Variants in GNAI1 observed in about 807,000 individuals in gnomAD.
GNAI1 encodes the protein G protein subunit alpha i1, also known as guanine nucleotide-binding protein G(i) subunit alpha-1.
GNAI1 carries 11 observed loss-of-function variants against 38.9 expected under a neutral mutation model. The observed-to-expected ratio is 0.28, with a 90% CI of 0.18 to 0.47. The LOEUF is 0.47. Among genes scored for constraint, GNAI1 ranks in the 20% least tolerant of loss-of-function variants. The probability of loss-of-function intolerance (pLI) is 0.99; values close to 1 mark genes in which losing one functional copy is unlikely to be tolerated. For missense variants in GNAI1, 317 were observed against 436.9 expected, an observed-to-expected ratio of 0.73 and a Z score of 2.45; for synonymous variants, 166 against 145.1, an observed-to-expected ratio of 1.14 and a Z score of -1.04.
At chr7:80,191,139 T>A (rs1314726523) in intron 3 of GNAI1, among the ~76,000 whole-genome samples, 1 of 152,022 alleles carries the variant, frequency 6.6e-6, no homozygotes, top group Non-Finnish European at 1.5e-5. Context: ...ATTAACTCAT[T>A]CACACAAATG....
At position 80,203,727 on chromosome 7, in the gene GNAI1, T is replaced by C; in HGVS notation, c.485T>C (p.Ile162Thr). Residue 162 changes from isoleucine to threonine, a missense_variant, in exon 5 of 8, where the codon ATA becomes ACA. Transcript: ENST00000649796. Reference sequence around the variant, plus strand: ...AGCTATTTGAATGACTTGGACAGAATAGCTCAACCAAATTACATCCCGACT... The same window carrying C: ...AGCTATTTGAATGACTTGGACAGAACAGCTCAACCAAATTACATCCCGACT... Reference protein sequence around the residue: ...AAYYLNDLDRIAQPNYIPTQQ... With the variant: ...AAYYLNDLDRTAQPNYIPTQQ... The C allele has an allele frequency of 6.3e-7, 1 of 1,594,456 alleles. No individual in the cohort carries two copies. The highest frequency in any genetic ancestry group is 8.6e-7 in the Non-Finnish European group (1 of 1,164,924).
At chr7:80,199,555 A>G (rs1390538033) in intron 4 of GNAI1, among the ~76,000 whole-genome samples, 173 bp downstream of exon 4, 3 of 151,728 alleles carry the variant, frequency 2.0e-5, no homozygotes, top group Non-Finnish European at 2.9e-5. Flanking sequence ...GTGTGTAGAT[A>G]GCAACGTTAT....
intron 1 of GNAI1, among the ~76,000 whole-genome samples, chr7:80,136,421 A>T (rs912053355): frequency 7.2e-5 from 11 of 152,204 alleles, no homozygotes; most frequent in Non-Finnish European, 5.9e-5. Context: ...TGACTGCAGA[A>T]AAAATGGTGG....
chr7:80,150,323 G>T (rs1222162236), intron 1 of GNAI1, among the ~76,000 whole-genome samples: 1 of 152,150 alleles, frequency 6.6e-6, no homozygotes, highest in Non-Finnish European at 1.5e-5. Context: ...ATAAATAAAT[G>T]AGGGTATATA....
At position 80,135,313 on chromosome 7, in the gene GNAI1, G is replaced by A. The variant is rs1437692114; in HGVS notation, c.118+35G>A. 6.5e-6 allele frequency: 8 copies of A among 1,239,836 alleles called. No individual in the cohort carries two copies. The Admixed American group carries it at 1.7e-4, about 26-fold the overall frequency. 76.8% of individuals were successfully genotyped at this position (1,239,836 alleles called of 1,614,324 possible). A position where few individuals can be genotyped will look rare whatever the true frequency, so the allele number is the denominator to read the frequency against. On this transcript the variant is annotated intron_variant, in intron 1 of 7. Coordinates refer to ENST00000649796, the MANE Select transcript of GNAI1 (RefSeq NM_002069.6). ...GCCGGGTCGGGGCCCGGGGGTCGGC[G>A]GGGGACCGGGTGCGGCGCTGCGCGG...
intron 1 of GNAI1, among the ~76,000 whole-genome samples, chr7:80,137,293 CTTTT>C (rs377362596): frequency 0.017 from 1,589 of 94,958 alleles, 3 homozygotes; most frequent in Middle Eastern, 0.024. Flanking sequence ...TTTCTTTTTT[CTTTT>C]TTTTTTTTTC....
At chr7:80,188,855 GGTGTGTGTGT>G (rs148159852) in intron 1 of GNAI1, 86 bp from the exon 2 acceptor site, 7 of 700,386 alleles carry the variant, frequency 1.0e-5, no homozygotes, top group African/African-American at 9.1e-5. Context: ...AGAGAGACTG[GGTGTGTGTGT>G]GTGTGTGTGT....
In GNAI1 at chr7:80,211,001, G is replaced by A. The variant is rs910988907; in HGVS notation, c.623G>A (p.Arg208Gln). 7 of 1,612,628 alleles carry A rather than the reference G, an allele frequency of 4.3e-6. No individual in the cohort carries two copies. The highest frequency in any genetic ancestry group is 5.9e-6 in the Non-Finnish European group (7 of 1,178,670). The stretch of plus-strand genomic sequence containing the variant: ...GATGTGGGAGGTCAGAGATCTGAGC[G>A]GAAGAAGTGGATTCATTGCTTCGAA... ...MFDVGGQRSERKKWIHCFEGV... is the reference protein window; with the variant it reads ...MFDVGGQRSEQKKWIHCFEGV... Residue 208 changes from arginine to glutamine, a missense_variant, in exon 6 of 8, where the codon CGG becomes CAG. By Grantham distance (43) the Arg-to-Gln change is conservative (BLOSUM62 1). Transcript: ENST00000649796.
chr7:80,211,352 A>G (rs1788869859), intron 6 of GNAI1, among the ~76,000 whole-genome samples: 1 of 152,194 alleles, frequency 6.6e-6, no homozygotes, highest in Non-Finnish European at 1.5e-5. Context: ...TAGCACATGG[A>G]AATATAGTTA....
At chr7:80,189,604 A>T (rs1478888398) in intron 3 of GNAI1, among the ~76,000 whole-genome samples, 2 of 152,196 alleles carry the variant, frequency 1.3e-5, no homozygotes, top group Non-Finnish European at 2.9e-5. Flanking sequence ...TACTGAAGTG[A>T]TCTAGTCATT....
At chr7:80,208,575 C>A (rs991729220) in intron 5 of GNAI1, among the ~76,000 whole-genome samples, 1 of 152,176 alleles carries the variant, frequency 6.6e-6, no homozygotes, top group East Asian at 1.9e-4. Flanking sequence ...TCCTAACATT[C>A]TGAATCACAT....
intron 1 of GNAI1, among the ~76,000 whole-genome samples, chr7:80,144,771 C>T (rs959203390): frequency 3.3e-5 from 5 of 152,118 alleles, no homozygotes; most frequent in African/African-American, 1.2e-4. Flanking sequence ...GTTAAACTGC[C>T]TTCTTATATG....
chr7:80,156,121 A>T (rs187158917), intron 1 of GNAI1, among the ~76,000 whole-genome samples: 36 of 152,082 alleles, frequency 2.4e-4, no homozygotes, highest in Admixed American at 2.2e-3. Flanking sequence ...TTCCTCGTGA[A>T]ATTCAAAAAC....
At chr7:80,177,923 A>C (rs573295091) in intron 1 of GNAI1, among the ~76,000 whole-genome samples, 1 of 152,372 alleles carries the variant, frequency 6.6e-6, no homozygotes, top group Non-Finnish European at 1.5e-5. Context: ...AGATCTGAGT[A>C]AAGTAAATTG....
chr7:80,149,219 T>C (rs1023996264), intron 1 of GNAI1, among the ~76,000 whole-genome samples: 9 of 150,920 alleles, frequency 6.0e-5, no homozygotes, highest in African/African-American at 1.7e-4. Flanking sequence ...CTTTAGTGGC[T>C]ATATATGTTT....
At chr7:80,159,889 C>T (rs1042952508) in intron 1 of GNAI1, among the ~76,000 whole-genome samples, 1 of 151,900 alleles carries the variant, frequency 6.6e-6, no homozygotes, top group Admixed American at 6.6e-5. Flanking sequence ...ATAGGGATTG[C>T]GTGAGGATTA....
In GNAI1 at chr7:80,220,173, T is replaced by A. The variant is rs1789045971; in HGVS notation, c.*2680T>A. On this transcript the variant is annotated 3_prime_UTR_variant, in exon 8 of 8. Transcript: ENST00000649796. ...CTCTTCATCACCTGAGGCCTGTTCC[T>A]TTCTACACTGTATCCAAATAGTGTC... 6.6e-6 allele frequency among the ~76,000 whole-genome samples: 1 copy of A among 152,178 alleles called. No homozygotes were observed. Among genetic ancestry groups the A allele is most frequent in the African/African-American group, 2.4e-5 (1 of 41,446 alleles).
At chr7:80,195,416 CT>C (rs1385022315) in intron 3 of GNAI1, among the ~76,000 whole-genome samples, 1 of 151,576 alleles carries the variant, frequency 6.6e-6, no homozygotes, top group East Asian at 1.9e-4. Flanking sequence ...GACATTTTTA[CT>C]TTGATTATAT....
intron 1 of GNAI1, among the ~76,000 whole-genome samples, chr7:80,140,432 A>G (rs1787506708): frequency 6.6e-6 from 1 of 152,226 alleles, no homozygotes. Context: ...ATTCAACCAC[A>G]ATCAATTTTT....
Sources: gnomAD v4.1 joint callset for allele counts (sites outside exome capture counted in the v4.1 genomes callset) on GRCh38, gnomAD v4.1.1 for gene constraint, MANE v1.5 for transcripts, NCBI Gene and HGNC (gene_info 2026-07-23, HGNC 2026-07-21) for gene names.